The following MKLN1 variants were observed in gnomAD, a reference collection of about 807,000 sequenced individuals.
The protein encoded by MKLN1 is muskelin.
Under a neutral mutation model 99.0 loss-of-function variants are expected in MKLN1, and 18 were observed. The observed-to-expected ratio is 0.18, with a 90% CI of 0.13 to 0.27. MKLN1 has a LOEUF of 0.27. Among genes scored for constraint, MKLN1 ranks in the 10% least tolerant of loss-of-function variants. The pLI, the probability that MKLN1 is intolerant of heterozygous loss-of-function variation, is 1.00. For synonymous variants in MKLN1, 288 were observed against 293.2 expected, an observed-to-expected ratio of 0.98 and a Z score of 0.18; for missense variants, 621 against 875.9, an observed-to-expected ratio of 0.71 and a Z score of 3.67.
chr7:131,251,380 G>A (rs75486041), intron 3 of MKLN1, among the ~76,000 whole-genome samples: 2,344 of 152,194 alleles, frequency 0.015, 55 homozygotes, highest in African/African-American at 0.053. Context: ...GGCTTTGGCC[G>A]GTTGCTCTCA....
chr7:131,354,420 C>T (rs1369980730), intron 1 of MKLN1, among the ~76,000 whole-genome samples: 1 of 150,522 alleles, frequency 6.6e-6, no homozygotes, highest in Non-Finnish European at 1.5e-5. Context: ...TCTTGGGTTT[C>T]ACATGTTTAG....
At chr7:131,226,490 T>A (rs1797149563) in intron 3 of MKLN1, among the ~76,000 whole-genome samples, 1 of 152,240 alleles carries the variant, frequency 6.6e-6, no homozygotes, top group South Asian at 2.1e-4. Flanking sequence ...AATTAAGCCA[T>A]CAGGATCCAG....
At chr7:131,288,353 G>A (rs993670744) in intron 3 of MKLN1, among the ~76,000 whole-genome samples, 4 of 152,074 alleles carry the variant, frequency 2.6e-5, no homozygotes, top group Admixed American at 6.6e-5. Flanking sequence ...TTCAGGCCTG[G>A]ACTTCTACTG....
At chr7:131,410,287 G>T (rs767393869) in intron 6 of MKLN1, among the ~76,000 whole-genome samples, 1 of 152,148 alleles carries the variant, frequency 6.6e-6, no homozygotes. Flanking sequence ...TTTAAGAGCT[G>T]TGTGATTTTG....
At chr7:131,117,573 T>TA (rs199994252) in intron 1 of MKLN1, among the ~76,000 whole-genome samples, 331 of 152,276 alleles carry the variant, frequency 2.2e-3, no homozygotes, top group South Asian at 6.4e-3. Flanking sequence ...CATTACTAAG[T>TA]AAAAAAAATT....
intron 2 of MKLN1, among the ~76,000 whole-genome samples, chr7:131,191,968 C>T (rs1796548478): frequency 6.7e-6 from 1 of 148,174 alleles, no homozygotes; most frequent in African/African-American, 2.5e-5. Context: ...AATCTGCCTG[C>T]CTCGGCCTCT....
At chr7:131,172,152 CT>C (rs1407359156) in intron 2 of MKLN1, among the ~76,000 whole-genome samples, 2 of 151,696 alleles carry the variant, frequency 1.3e-5, no homozygotes, top group African/African-American at 4.8e-5. Flanking sequence ...TTTATATATA[CT>C]TTTTTGAGAT....
intron 2 of MKLN1, among the ~76,000 whole-genome samples, chr7:131,382,209 C>T (rs1162780844): frequency 6.6e-6 from 1 of 151,824 alleles, no homozygotes; most frequent in East Asian, 1.9e-4. Context: ...CATAAAATTA[C>T]AAAAAATTAG....
At chr7:131,444,938 A>C (rs114753639) in intron 11 of MKLN1, among the ~76,000 whole-genome samples, 2,674 of 151,990 alleles carry the variant, frequency 0.018, 68 homozygotes, top group African/African-American at 0.06. Flanking sequence ...GTGAGCCACC[A>C]TGCCTGGCCT....
At chr7:131,274,806 C>T (rs1015007446) in intron 3 of MKLN1, among the ~76,000 whole-genome samples, 1 of 152,074 alleles carries the variant, frequency 6.6e-6, no homozygotes, top group African/African-American at 2.4e-5. Flanking sequence ...AACTTTGAGC[C>T]TCAGTTTCCT....
intron 3 of MKLN1, among the ~76,000 whole-genome samples, chr7:131,279,062 A>G (rs1798014078): frequency 6.6e-6 from 1 of 152,230 alleles, no homozygotes; most frequent in Admixed American, 6.5e-5. Context: ...AACATCCAAC[A>G]TATATTACTG....
intron 3 of MKLN1, among the ~76,000 whole-genome samples, chr7:131,277,277 T>A (rs1025856745): frequency 6.6e-6 from 1 of 151,896 alleles, no homozygotes; most frequent in South Asian, 2.1e-4. Flanking sequence ...TTTACAACAA[T>A]CAATTGTGCA....
intron 6 of MKLN1, among the ~76,000 whole-genome samples, chr7:131,402,250 T>C (rs1195191225): frequency 3.3e-5 from 5 of 152,226 alleles, no homozygotes; most frequent in Non-Finnish European, 7.4e-5. Flanking sequence ...GAAACCACTT[T>C]ATTTGCTCAT....
chr7:131,462,591 G>T (rs1796547729), intron 12 of MKLN1, among the ~76,000 whole-genome samples: 1 of 151,966 alleles, frequency 6.6e-6, no homozygotes, highest in East Asian at 1.9e-4. Flanking sequence ...CCTGTAGCTG[G>T]CAATTGACAT....
intron 3 of MKLN1, among the ~76,000 whole-genome samples, chr7:131,220,865 G>A (rs1283450697): frequency 1.3e-5 from 2 of 152,154 alleles, no homozygotes; most frequent in Non-Finnish European, 2.9e-5. Context: ...GGGCCAAAGT[G>A]CAGCCTGATT....
At chr7:131,192,189 A>T (rs1391583884) in intron 2 of MKLN1, among the ~76,000 whole-genome samples, 2,915 of 97,198 alleles carry the variant, frequency 0.03, 290 homozygotes, top group Admixed American at 0.04. Flanking sequence ...AAAATATATA[A>T]AATATAATAT....
At position 131,443,503 on chromosome 7, in the gene MKLN1, A is replaced by G. The variant is rs758558957; in HGVS notation, c.1196A>G (p.His399Arg). Reference protein sequence around the residue: ...DHQMCMDSEKHMIYTFGGRIL... With the variant: ...DHQMCMDSEKRMIYTFGGRIL... ...TAGATGTGTATGGACTCAGAAAAACATATGATCTACACTTTTGGTGGTAGA... is the reference window on the plus strand; with the variant it reads ...TAGATGTGTATGGACTCAGAAAAACGTATGATCTACACTTTTGGTGGTAGA... Residue 399 changes from histidine to arginine, a missense_variant, in exon 11 of 18, where the codon CAT becomes CGT. Coordinates refer to ENST00000352689, the MANE Select transcript of MKLN1 (RefSeq NM_013255.5). 13 of 1,607,680 alleles carry G rather than the reference A, an allele frequency of 8.1e-6. No homozygotes were observed. Among genetic ancestry groups the G allele is most frequent in the Non-Finnish European group, 1.1e-5 (13 of 1,176,966 alleles).
intron 1 of MKLN1, among the ~76,000 whole-genome samples, chr7:131,349,498 A>G (rs1442903012): frequency 6.6e-6 from 1 of 152,134 alleles, no homozygotes; most frequent in Non-Finnish European, 1.5e-5. Flanking sequence ...CCGGCCTTAA[A>G]TCTTTCTAAT....
chr7:131,439,474 G>A (rs1391108712), intron 10 of MKLN1, among the ~76,000 whole-genome samples: 3 of 152,116 alleles, frequency 2.0e-5, no homozygotes, highest in East Asian at 3.8e-4. Context: ...GAAGAAACAA[G>A]GATTTCAGTA....
Sources: allele counts gnomAD v4.1 joint callset (sites outside exome capture counted in the v4.1 genomes callset), GRCh38; gene constraint gnomAD v4.1.1; transcripts MANE v1.5; gene names NCBI Gene and HGNC (gene_info 2026-07-23, HGNC 2026-07-21).